The following UNC13C variants were observed in gnomAD, a reference collection of about 807,000 sequenced individuals.
UNC13C encodes unc-13 homolog C.
A neutral mutation model predicts 245.4 loss-of-function variants in UNC13C; 174 were observed. The ratio of observed to expected loss-of-function variants is 0.71; its 90% CI spans 0.63 to 0.80. The LOEUF (loss-of-function observed/expected upper bound fraction) is 0.80, where lower values mean the gene tolerates loss of function less well. Among genes scored for constraint, UNC13C ranks in the 30% least tolerant of loss-of-function variants. The pLI, the probability that UNC13C is intolerant of heterozygous loss-of-function variation, is 0.00. For synonymous variants in UNC13C, 992 were observed against 895.1 expected, an observed-to-expected ratio of 1.11 and a Z score of -1.93; for missense variants, 2,829 against 2,602.9, an observed-to-expected ratio of 1.09 and a Z score of -1.89.
intron 26 of UNC13C, among the ~76,000 whole-genome samples, chr15:54,535,708 T>C (rs1406796878): frequency 6.6e-6 from 1 of 152,130 alleles, no homozygotes; most frequent in Admixed American, 6.6e-5. Context: ...CTCAAAACTA[T>C]ACAATTACAT....
In UNC13C at chr15:54,627,261, C is replaced by A. The variant is rs1008015789; in HGVS notation, c.*148C>A. The A allele has an allele frequency of 1.3e-5, 10 of 769,922 alleles. No individual in the cohort carries two copies. The highest frequency in any genetic ancestry group is 1.9e-5 in the Non-Finnish European group (10 of 522,446). 47.7% of individuals were successfully genotyped at this position (769,922 alleles called of 1,614,324 possible). ...CAAGGTATGTAAAAAACCTGCTGAACTTTTATACCAATTCTGGTCTTTGGG... is the reference window on the plus strand; with the variant it reads ...CAAGGTATGTAAAAAACCTGCTGAAATTTTATACCAATTCTGGTCTTTGGG... On this transcript the variant is annotated 3_prime_UTR_variant, in exon 33 of 33. Transcript: ENST00000260323.
chr15:53,900,648 G>A, the UNC13C span, among the ~76,000 whole-genome samples: 1 of 152,128 alleles, frequency 6.6e-6, no homozygotes, highest in Non-Finnish European at 1.5e-5. Context: ...TAGAGGCCCA[G>A]TGTTCATCAA....
intron 30 of UNC13C, among the ~76,000 whole-genome samples, chr15:54,596,093 A>C (rs149415712): frequency 6.6e-6 from 1 of 152,238 alleles, no homozygotes. Context: ...TCCAAAACCC[A>C]GCATGACTGA....
chr15:54,622,448 C>A, intron 31 of UNC13C, 29 bp downstream of exon 31: 3 of 1,532,552 alleles, frequency 2.0e-6, no homozygotes, highest in Non-Finnish European at 1.8e-6. Context: ...TAAATCAAAA[C>A]AGCCTTCTAA....
chr15:54,287,717 C>G (rs933518377), intron 10 of UNC13C, among the ~76,000 whole-genome samples: 3 of 152,118 alleles, frequency 2.0e-5, no homozygotes, highest in African/African-American at 7.2e-5. Context: ...ATGTCCATCT[C>G]TAGTTGCAGG....
Position 54,013,235 on chromosome 15 carries a change from G to A in UNC13C, c.332G>A (p.Ser111Asn). 1 of 1,613,738 alleles carries A rather than the reference G, an allele frequency of 6.2e-7. No individual in the cohort carries two copies. The highest frequency in any genetic ancestry group is 2.2e-5 in the East Asian group (1 of 44,862). Reference sequence around the variant, plus strand: ...CAAAAGAATGCTAAAGTAACCAACAGTGATAATGAGGATCTGCTTCAAGAG... The same window carrying A: ...CAAAAGAATGCTAAAGTAACCAACAATGATAATGAGGATCTGCTTCAAGAG... The part of the protein sequence containing the change: ...GLQKNAKVTN[S>N]DNEDLLQELS... The change falls in exon 2 of 33, where the codon AGT becomes AAT. Residue 111 changes from serine to asparagine, a missense_variant. Coordinates refer to ENST00000260323, the MANE Select transcript of UNC13C (RefSeq NM_001080534.3).
chr15:54,090,010 C>G (rs908589612), intron 2 of UNC13C, among the ~76,000 whole-genome samples: 1 of 152,152 alleles, frequency 6.6e-6, no homozygotes, highest in Non-Finnish European at 1.5e-5. Context: ...GACTCTGGCA[C>G]AAACAGCCTG....
chr15:54,289,437 C>T (rs989328422), intron 10 of UNC13C, among the ~76,000 whole-genome samples: 1 of 152,018 alleles, frequency 6.6e-6, no homozygotes, highest in African/African-American at 2.4e-5. Context: ...GCTTTCTAGC[C>T]CGAGGTGATT....
chr15:54,015,668 A>G lies in UNC13C; in HGVS notation c.2765A>G (p.Tyr922Cys). ...TPYETPQDEG[Y>C]DGPADDMVSE... Reference sequence around the variant, plus strand: ...TATGAAACCCCACAAGATGAGGGTTATGATGGTCCAGCAGATGATATGGTT... The same window carrying G: ...TATGAAACCCCACAAGATGAGGGTTGTGATGGTCCAGCAGATGATATGGTT... The change falls in exon 2 of 33, where the codon TAT becomes TGT. Residue 922 changes from tyrosine (Y) to cysteine (C), a missense_variant. By Grantham distance (194) the Tyr-to-Cys change is radical (BLOSUM62 -2). Transcript: ENST00000260323. 6.2e-7 allele frequency: 1 copy of G among 1,613,754 alleles called. No homozygotes were observed. Among genetic ancestry groups the G allele is most frequent in the South Asian group, 1.1e-5 (1 of 91,070 alleles).
intron 2 of UNC13C, chr15:54,050,174 G>A: frequency 2.2e-6 from 1 of 465,030 alleles, no homozygotes; most frequent in Non-Finnish European, 4.3e-6. Context: ...GTTTCACCAT[G>A]TTGGCCAGGC....
At chr15:54,102,063 A>G (rs551017065) in intron 2 of UNC13C, among the ~76,000 whole-genome samples, 75 of 149,726 alleles carry the variant, frequency 5.0e-4, no homozygotes, top group African/African-American at 1.7e-3. Flanking sequence ...TCCTGTGTGA[A>G]GTATCTAAGA....
At chr15:54,510,688 A>G (rs1027583682) in intron 23 of UNC13C, among the ~76,000 whole-genome samples, 1 of 152,144 alleles carries the variant, frequency 6.6e-6, no homozygotes, top group African/African-American at 2.4e-5. Flanking sequence ...AAATCTTTCC[A>G]CTGATAAGAG....
At chr15:54,405,565 T>C (rs79092337) in intron 18 of UNC13C, among the ~76,000 whole-genome samples, 5,173 of 152,236 alleles carry the variant, frequency 0.034, 225 homozygotes, top group African/African-American at 0.1. Context: ...ATTACATATT[T>C]ACAAGTCTAC....
chr15:54,460,399 A>G (rs975345638), intron 19 of UNC13C, among the ~76,000 whole-genome samples: 2 of 152,240 alleles, frequency 1.3e-5, no homozygotes, highest in South Asian at 2.1e-4. Flanking sequence ...TGTCACTTCA[A>G]CAGACTCAGG....
intron 4 of UNC13C, among the ~76,000 whole-genome samples, chr15:54,199,581 C>T (rs1305209364): frequency 6.6e-6 from 1 of 152,064 alleles, no homozygotes; most frequent in Non-Finnish European, 1.5e-5. Context: ...ATTGTGTATT[C>T]AGCAAAGCTA....
chr15:54,275,599 T>C (rs1439168443), intron 10 of UNC13C, among the ~76,000 whole-genome samples: 2 of 152,176 alleles, frequency 1.3e-5, no homozygotes, highest in African/African-American at 4.8e-5. Context: ...ATATTAATAC[T>C]ACTTCACATA....
intron 4 of UNC13C, among the ~76,000 whole-genome samples, chr15:54,220,760 G>A (rs1220845389): frequency 6.6e-6 from 1 of 151,784 alleles, no homozygotes; most frequent in Non-Finnish European, 1.5e-5. Flanking sequence ...TTTAGTGGTG[G>A]CATTGCTAAA....
intron 17 of UNC13C, among the ~76,000 whole-genome samples, chr15:54,381,589 G>A (rs1467136185): frequency 6.6e-6 from 1 of 151,792 alleles, no homozygotes; most frequent in African/African-American, 2.4e-5. Flanking sequence ...CATAAACATT[G>A]GACATCTTTT....
intron 1 of UNC13C, among the ~76,000 whole-genome samples, chr15:53,997,848 G>A (rs1894705433): frequency 1.3e-5 from 2 of 151,810 alleles, no homozygotes; most frequent in South Asian, 4.2e-4. Flanking sequence ...TGTTGCCCAG[G>A]CTGCAGTGAA....
Sources: gnomAD v4.1 joint callset for allele counts (sites outside exome capture counted in the v4.1 genomes callset) on GRCh38, gnomAD v4.1.1 for gene constraint, MANE v1.5 for transcripts, NCBI Gene and HGNC (gene_info 2026-07-23, HGNC 2026-07-21) for gene names.